USP33: variants seen among roughly 807,000 people sequenced by gnomAD.
The protein encoded by USP33 is ubiquitin carboxyl-terminal hydrolase 33.
USP33 carries 46 observed loss-of-function variants against 124.2 expected under a neutral mutation model. That is an observed-to-expected ratio of 0.37 (90% CI 0.29 to 0.47). The LOEUF (loss-of-function observed/expected upper bound fraction) is 0.47, where lower values mean the gene tolerates loss of function less well. USP33 is among the 20% of genes least tolerant of loss of function. The pLI, the probability that USP33 is intolerant of heterozygous loss-of-function variation, is 0.99. For missense variants in USP33, 851 were observed against 1,070.6 expected (o/e 0.79, Z 2.86); for synonymous variants, 350 against 352.3 (o/e 0.99, Z 0.07).
chr1:77,751,482 G>C (rs1570873471), intron 1 of USP33, among the ~76,000 whole-genome samples: 1 of 152,018 alleles, frequency 6.6e-6, no homozygotes, highest in East Asian at 1.9e-4. Context: ...GCAATACCCT[G>C]TCTCTACCCC....
intron 1 of USP33, among the ~76,000 whole-genome samples, chr1:77,751,429 G>A (rs370092617): frequency 6.6e-6 from 1 of 152,094 alleles, no homozygotes; most frequent in South Asian, 2.1e-4. Flanking sequence ...GAGGCGGGAG[G>A]ACTGCTTGAA....
At chr1:77,711,634 T>C in intron 21 of USP33, 113 bp downstream of exon 21, 1 of 1,502,238 alleles carries the variant, frequency 6.7e-7, no homozygotes, top group African/African-American at 1.4e-5. Context: ...CTAGAACACT[T>C]GAAATCTATT....
intron 21 of USP33, among the ~76,000 whole-genome samples, chr1:77,706,614 A>G (rs2101213711): frequency 6.6e-6 from 1 of 152,326 alleles, no homozygotes; most frequent in African/African-American, 2.4e-5. Context: ...AAAAGAAATG[A>G]AGAAACAGGC....
At chr1:77,746,702 C>T (rs1030788166) in intron 1 of USP33, 1 of 152,234 alleles carries the variant, frequency 6.6e-6, no homozygotes, top group African/African-American at 2.4e-5. Context: ...GGCTTCATCC[C>T]TGGGATGCAA....
chr1:77,708,055 A>G (rs1457863019), intron 21 of USP33, among the ~76,000 whole-genome samples: 1 of 152,220 alleles, frequency 6.6e-6, no homozygotes, highest in Non-Finnish European at 1.5e-5. Flanking sequence ...CTGGTGCAGG[A>G]GCTAGTTGTA....
At chr1:77,729,107 T>C (rs751474906) in intron 9 of USP33, among the ~76,000 whole-genome samples, 4 of 152,138 alleles carry the variant, frequency 2.6e-5, no homozygotes, top group African/African-American at 4.8e-5. Context: ...GGTCTCCCTA[T>C]GTTACCCAGG....
At chr1:77,726,103 C>A (rs1677131453) in intron 10 of USP33, among the ~76,000 whole-genome samples, 1 of 152,166 alleles carries the variant, frequency 6.6e-6, no homozygotes, top group African/African-American at 2.4e-5. Flanking sequence ...GCATGTGCCA[C>A]CAGGCCCACC....
chr1:77,742,234 T>C (rs1679206491), intron 1 of USP33, among the ~76,000 whole-genome samples: 1 of 152,170 alleles, frequency 6.6e-6, no homozygotes. Context: ...AATCATCTGG[T>C]ATCCTGGCCT....
chr1:77,749,689 A>T (rs907715902), intron 1 of USP33, among the ~76,000 whole-genome samples: 4 of 151,918 alleles, frequency 2.6e-5, no homozygotes, highest in Admixed American at 6.6e-5. Flanking sequence ...GCCTGGTTTT[A>T]TTTTCTTAAT....
chr1:77,716,680 C>T (rs1675945612), intron 17 of USP33, among the ~76,000 whole-genome samples: 1 of 151,992 alleles, frequency 6.6e-6, no homozygotes. Context: ...AGATAAACTC[C>T]CCACATTCCT....
At chr1:77,723,694 C>T (rs1004438891) in intron 11 of USP33, among the ~76,000 whole-genome samples, 1 of 151,872 alleles carries the variant, frequency 6.6e-6, no homozygotes, top group African/African-American at 2.4e-5. Flanking sequence ...GGTGGAGTCT[C>T]GCACTGTTGC....
chr1:77,737,179 G>C (rs1419632058), intron 5 of USP33, among the ~76,000 whole-genome samples: 1 of 152,124 alleles, frequency 6.6e-6, no homozygotes, highest in Non-Finnish European at 1.5e-5. Flanking sequence ...CACCCAAACA[G>C]AGAAGGAAAC....
At chr1:77,731,804 G>T (rs1181690272) in intron 7 of USP33, among the ~76,000 whole-genome samples, 1 of 152,068 alleles carries the variant, frequency 6.6e-6, no homozygotes, top group African/African-American at 2.4e-5. Flanking sequence ...AAAAATCTCA[G>T]ACTCAGAATT....
rs1676520260 is a variant in USP33 at position 77,721,153 on chromosome 1, C to T, written c.1691+19G>A. On this transcript the variant is annotated intron_variant, in intron 15 of 23. Coordinates refer to ENST00000370794, the MANE Select transcript of USP33 (RefSeq NM_201624.3). ...AAAATACACAACATGCAATTAAAAG[C>T]ACTGTCAATGTCACTTACTTTTTGC... The T allele has an allele frequency of 6.2e-7, 1 of 1,613,332 alleles. No individual in the cohort carries two copies. Among genetic ancestry groups the T allele is most frequent in the African/African-American group, 1.3e-5 (1 of 74,888 alleles).
rs778719815 is a variant in USP33, at chr1:77,718,049, TA to T, written c.1738-3del. 6.3e-7 allele frequency: 1 copy of T among 1,581,350 alleles called. No homozygotes were observed. Among genetic ancestry groups the T allele is most frequent in the Non-Finnish European group, 8.6e-7 (1 of 1,164,858 alleles). On this transcript the variant is annotated splice_region_variant and splice_polypyrimidine_tract_variant and intron_variant, in intron 16 of 23. Coordinates refer to ENST00000370794, the MANE Select transcript of USP33 (RefSeq NM_201624.3). ...TCTTTTAAGGTGGATGCACAAAATC[TA>T]AAAAAGAATAAAATTCAAAACTAAT...
intron 1 of USP33, among the ~76,000 whole-genome samples, chr1:77,749,388 T>C (rs557625175): frequency 7.9e-6 from 1 of 127,058 alleles, no homozygotes. Context: ...GTTTTGTTTG[T>C]TTTTTTTTTT....
chr1:77,744,134 A>T (rs1679470412), intron 1 of USP33, among the ~76,000 whole-genome samples: 1 of 152,136 alleles, frequency 6.6e-6, no homozygotes, highest in Non-Finnish European at 1.5e-5. Flanking sequence ...AAAAAAAAAA[A>T]AAAAGTTCAA....
chr1:77,735,926 A>C (rs1678392470), intron 6 of USP33, 130 bp downstream of exon 6: 2 of 632,104 alleles, frequency 3.2e-6, no homozygotes, highest in Non-Finnish European at 4.8e-6. Context: ...TTACTAGGCC[A>C]AATTTCAGAG....
At chr1:77,751,322 G>A (rs181989702) in intron 1 of USP33, among the ~76,000 whole-genome samples, 8 of 152,228 alleles carry the variant, frequency 5.3e-5, no homozygotes, top group African/African-American at 1.4e-4. Flanking sequence ...GTACAGCTCC[G>A]GTGGCTAAAT....
Sources: gnomAD v4.1 joint callset for allele counts (sites outside exome capture counted in the v4.1 genomes callset) on GRCh38, gnomAD v4.1.1 for gene constraint, MANE v1.5 for transcripts, NCBI Gene and HGNC (gene_info 2026-07-23, HGNC 2026-07-21) for gene names.